Variants in DOCK3 observed in about 807,000 individuals in gnomAD.
DOCK3 encodes the protein dedicator of cytokinesis 3.
Under a neutral mutation model 265.6 loss-of-function variants are expected in DOCK3, and 60 were observed. The ratio of observed to expected loss-of-function variants is 0.23; its 90% CI spans 0.18 to 0.28. The LOEUF (loss-of-function observed/expected upper bound fraction) is 0.28, where lower values mean the gene tolerates loss of function less well. DOCK3 is among the 10% of genes least tolerant of loss of function. DOCK3 has a pLI of 1.00. For missense variants in DOCK3, 1,981 were observed against 2,594.3 expected, an observed-to-expected ratio of 0.76 and a Z score of 5.14; for synonymous variants, 881 against 938.0, an observed-to-expected ratio of 0.94 and a Z score of 1.11.
chr3:51,356,181 G>T lies in DOCK3; in HGVS notation c.4342G>T (p.Val1448Phe). ...AGATCGAGTCAAGAGCTTCTATCGC[G>T]TCAACAATGTGAGGAAGTTCCGGTA... ...VPDRVKSFYRVNNVRKFRYDR... is the reference protein window; with the variant it reads ...VPDRVKSFYRFNNVRKFRYDR... The change falls in exon 42 of 53, where the codon GTC (valine) becomes TTC (phenylalanine). Residue 1448 changes from valine (V) to phenylalanine (F), a missense_variant. Around this residue, in one of 4 missense-constraint regions of DOCK3, gnomAD observed 1,357 missense variants for 1,866.8 expected, o/e 0.73. Coordinates refer to ENST00000266037, the MANE Select transcript of DOCK3 (RefSeq NM_004947.5). 6.2e-7 allele frequency: 1 copy of T among 1,613,972 alleles called. No homozygotes were observed. The highest frequency in any genetic ancestry group is 8.5e-7 in the Non-Finnish European group (1 of 1,179,890).
At chr3:50,847,277 G>A (rs1264166222) in intron 3 of DOCK3, among the ~76,000 whole-genome samples, 1 of 152,046 alleles carries the variant, frequency 6.6e-6, no homozygotes, top group Non-Finnish European at 1.5e-5. Flanking sequence ...GTAATTATGT[G>A]GTTTTGAGCA....
intron 3 of DOCK3, among the ~76,000 whole-genome samples, chr3:50,887,090 G>A (rs1199356291): frequency 6.6e-6 from 1 of 151,938 alleles, no homozygotes; most frequent in Non-Finnish European, 1.5e-5. Flanking sequence ...TTTTTGAAAA[G>A]ATCAACAAAA....
chr3:51,003,436 T>C (rs1263000613), intron 5 of DOCK3, among the ~76,000 whole-genome samples: 1 of 152,194 alleles, frequency 6.6e-6, no homozygotes, highest in East Asian at 1.9e-4. Flanking sequence ...CATCTAGAGA[T>C]AAATTTCTAG....
intron 5 of DOCK3, among the ~76,000 whole-genome samples, chr3:50,935,077 C>T (rs2051282394): frequency 6.6e-6 from 1 of 152,094 alleles, no homozygotes; most frequent in Non-Finnish European, 1.5e-5. Context: ...ATATCCTGAC[C>T]TGGTCTCTAG....
chr3:50,881,664 C>G (rs996959445), intron 3 of DOCK3, among the ~76,000 whole-genome samples: 2 of 152,158 alleles, frequency 1.3e-5, no homozygotes, highest in Non-Finnish European at 2.9e-5. Flanking sequence ...TAGGAAGAAT[C>G]AATATCGTGA....
chr3:51,227,464 C>G lies in DOCK3; in HGVS notation c.1540+19C>G, dbSNP rs200179650. The G allele has an allele frequency of 1.8e-4, 286 of 1,613,426 alleles. No individual in the cohort carries two copies. The East Asian group carries it at 2.8e-3, about 16-fold the overall frequency. On this transcript the variant is annotated intron_variant, in intron 16 of 52. Transcript: ENST00000266037. ...TGTTCCAGTGAGTTAGACTTCCCCC[C>G]CTCCACATTCCCTTGAGAATATAAA...
In DOCK3 at chr3:50,839,558, T is replaced by C. The variant is rs146897491; in HGVS notation, c.122-2117T>C. 3.9e-3 allele frequency among the ~76,000 whole-genome samples: 580 copies of C among 147,610 alleles called. 2 individuals are homozygous for C. Among genetic ancestry groups the C allele is most frequent in the Non-Finnish European group, 7.1e-3 (463 of 65,206 alleles). On this transcript the variant is annotated intron_variant, in intron 2 of 52. Transcript: ENST00000266037. ...TGATAAGGCATGCAGTAGTATCTCA[T>C]TGTTGTTTTAATTTGCAGTTGCTTA...
At chr3:51,081,725 C>G (rs1269344164) in intron 7 of DOCK3, among the ~76,000 whole-genome samples, 1 of 151,926 alleles carries the variant, frequency 6.6e-6, no homozygotes, top group Non-Finnish European at 1.5e-5. Context: ...GAAACCCCAT[C>G]TGTACTAAAA....
chr3:50,927,341 T>C (rs1325693920), intron 4 of DOCK3, among the ~76,000 whole-genome samples: 1 of 152,238 alleles, frequency 6.6e-6, no homozygotes, highest in African/African-American at 2.4e-5. Context: ...GAATAAGATC[T>C]AGTCGTTTGA....
chr3:51,267,330 G>A (rs1219569355), intron 23 of DOCK3, among the ~76,000 whole-genome samples: 3 of 151,878 alleles, frequency 2.0e-5, no homozygotes, highest in African/African-American at 4.8e-5. Flanking sequence ...TAAACCCAAG[G>A]GATTATAAAT....
chr3:50,968,553 A>ATTT (rs749920591), intron 5 of DOCK3, among the ~76,000 whole-genome samples: 2 of 139,358 alleles, frequency 1.4e-5, no homozygotes, highest in Admixed American at 7.2e-5. Context: ...TATGATTTCA[A>ATTT]TTTTTTTTTT....
intron 2 of DOCK3, among the ~76,000 whole-genome samples, chr3:50,807,860 T>C (rs1021906012): frequency 1.3e-5 from 2 of 152,114 alleles, no homozygotes; most frequent in African/African-American, 4.8e-5. Context: ...AGCAATCCTT[T>C]CACCTCAGCC....
intron 24 of DOCK3, among the ~76,000 whole-genome samples, chr3:51,272,338 A>G (rs974428284): frequency 4.0e-5 from 6 of 149,884 alleles, no homozygotes; most frequent in Non-Finnish European, 8.9e-5. Context: ...GTCCAGTGGC[A>G]TGATCTCAGC....
chr3:50,745,791 A>C (rs934573857), intron 1 of DOCK3, among the ~76,000 whole-genome samples: 2 of 152,166 alleles, frequency 1.3e-5, no homozygotes, highest in Non-Finnish European at 2.9e-5. Flanking sequence ...CTTCTTCCCT[A>C]ATCAGATCGT....
intron 2 of DOCK3, among the ~76,000 whole-genome samples, chr3:50,786,026 G>A (rs2042169923): frequency 6.6e-6 from 1 of 151,448 alleles, no homozygotes; most frequent in Non-Finnish European, 1.5e-5. Flanking sequence ...TATCTTCCTG[G>A]TTTAATCTAA....
At chr3:51,029,056 A>G (rs1314073870) in intron 5 of DOCK3, among the ~76,000 whole-genome samples, 1 of 151,892 alleles carries the variant, frequency 6.6e-6, no homozygotes, top group Non-Finnish European at 1.5e-5. Context: ...TTAAAAATTT[A>G]CTTTAATTTT....
intron 26 of DOCK3, among the ~76,000 whole-genome samples, chr3:51,278,788 A>G (rs1292085999): frequency 2.0e-5 from 3 of 152,190 alleles, no homozygotes; most frequent in Non-Finnish European, 2.9e-5. Context: ...TGAGGATGAT[A>G]ATAACTATAA....
chr3:51,139,199 A>G (rs2084934399), intron 9 of DOCK3, among the ~76,000 whole-genome samples: 1 of 151,284 alleles, frequency 6.6e-6, no homozygotes, highest in Admixed American at 6.6e-5. Flanking sequence ...CACACATCAC[A>G]TTCATTCACA....
chr3:51,158,157 A>G (rs1028099032), intron 10 of DOCK3, among the ~76,000 whole-genome samples: 4 of 152,176 alleles, frequency 2.6e-5, no homozygotes, highest in Non-Finnish European at 5.9e-5. Context: ...CAGAATATAT[A>G]TTAAAGAATT....
Sources: allele counts gnomAD v4.1 joint callset (sites outside exome capture counted in the v4.1 genomes callset), GRCh38; gene constraint gnomAD v4.1.1; regional missense constraint gnomAD v4.1.1; transcripts MANE v1.5; gene names NCBI Gene and HGNC (gene_info 2026-07-23, HGNC 2026-07-21).